The following AGBL1 variants were observed in gnomAD, a reference collection of about 807,000 sequenced individuals.
The protein encoded by AGBL1 is cytosolic carboxypeptidase 4.
Under a neutral mutation model 118.9 loss-of-function variants are expected in AGBL1, and 130 were observed. That is an observed-to-expected ratio of 1.09 (90% CI 0.95 to 1.26). The LOEUF (loss-of-function observed/expected upper bound fraction) is 1.26. AGBL1 is among the 50% of genes most tolerant of loss of function. The pLI, the probability that AGBL1 is intolerant of heterozygous loss-of-function variation, is 0.00. For missense variants in AGBL1, 1,584 were observed against 1,298.1 expected, an observed-to-expected ratio of 1.22 and a Z score of -3.38; for synonymous variants, 555 against 478.9, an observed-to-expected ratio of 1.16 and a Z score of -2.08.
chr15:86,400,635 A>C (rs2081430909), intron 18 of AGBL1, among the ~76,000 whole-genome samples: 1 of 139,618 alleles, frequency 7.2e-6, no homozygotes, highest in Non-Finnish European at 1.5e-5. Flanking sequence ...AAGTCCCCAA[A>C]GTCCAGTATA....
At chr15:86,447,965 C>G (rs557196087) in intron 18 of AGBL1, among the ~76,000 whole-genome samples, 1 of 151,916 alleles carries the variant, frequency 6.6e-6, no homozygotes, top group Non-Finnish European at 1.5e-5. Context: ...GGCAACATAA[C>G]GAGACCTCGA....
At chr15:86,380,613 TTCTC>T (rs1299681785) in intron 17 of AGBL1, among the ~76,000 whole-genome samples, 1 of 146,418 alleles carries the variant, frequency 6.8e-6, no homozygotes, top group African/African-American at 2.5e-5. Flanking sequence ...GTCTGTGTCA[TTCTC>T]TCTGCTTCTT....
At chr15:86,742,970 G>C (rs141758546) in intron 22 of AGBL1, among the ~76,000 whole-genome samples, 1 of 152,078 alleles carries the variant, frequency 6.6e-6, no homozygotes, top group Non-Finnish European at 1.5e-5. Context: ...GGGGGTAATA[G>C]TATCATATAT....
rs1361456726 is a variant in AGBL1 at position 86,915,721 on chromosome 15, C to A, written c.*8427C>A. 6.6e-6 allele frequency: 1 copy of A among 152,150 alleles called. No homozygotes were observed. The highest frequency in any genetic ancestry group is 2.4e-5 in the African/African-American group (1 of 41,426). The allele number at this position is 152,150 out of a possible 1,614,324, so 9.4% of individuals were successfully genotyped here. A position where few individuals can be genotyped will look rare whatever the true frequency, so the allele number is the denominator to read the frequency against. Reference sequence around the variant, plus strand: ...TTTGTTCACTGCTACATCCTGAGAGCCTAGCATCGTGCCCAAGATGTGGTG... The same window carrying A: ...TTTGTTCACTGCTACATCCTGAGAGACTAGCATCGTGCCCAAGATGTGGTG... On this transcript the variant is annotated 3_prime_UTR_variant, in exon 23 of 23. Transcript: ENST00000614907.
chr15:86,256,802 A>T (rs1283133798), intron 7 of AGBL1, 51 bp from the exon 8 acceptor site: 2 of 1,593,728 alleles, frequency 1.3e-6, no homozygotes, highest in East Asian at 2.2e-5. Context: ...TGTTACAGCT[A>T]GGGGACTGTG....
intron 18 of AGBL1, among the ~76,000 whole-genome samples, chr15:86,470,322 G>C (rs2082463276): frequency 6.6e-6 from 1 of 152,130 alleles, no homozygotes; most frequent in East Asian, 1.9e-4. Context: ...AATTACTGAA[G>C]AGGCTGTCCT....
chr15:86,326,148 G>T (rs2080179717), intron 17 of AGBL1, among the ~76,000 whole-genome samples: 1 of 151,898 alleles, frequency 6.6e-6, no homozygotes, highest in Non-Finnish European at 1.5e-5. Context: ...TTTTTTCACT[G>T]TTAGGAAGCC....
At chr15:86,681,956 C>T (rs1051516076) in intron 22 of AGBL1, among the ~76,000 whole-genome samples, 13 of 152,228 alleles carry the variant, frequency 8.5e-5, no homozygotes, top group South Asian at 4.1e-4. Flanking sequence ...TACAGTAAAG[C>T]GAAGGATGGA....
chr15:86,425,404 G>T (rs2142030649), intron 18 of AGBL1, among the ~76,000 whole-genome samples: 1 of 152,240 alleles, frequency 6.6e-6, no homozygotes, highest in Admixed American at 6.5e-5. Flanking sequence ...TGGGGGGCTA[G>T]GGGAGGGATA....
rs186375804 is a variant in AGBL1 at position 86,227,603 on chromosome 15, C to T, written c.526+2652C>T. Among the ~76,000 whole-genome samples the T allele has an allele frequency of 4.9e-3, 749 of 152,360 alleles. 14 individuals are homozygous for T. Among genetic ancestry groups the T allele is most frequent in the Middle Eastern group, 6.8e-3 (2 of 294 alleles). ...TGGGGGGTGGACAGTAAAATTTCCA[C>T]TTGTTGAGAATCACTGATGTGTATG... On this transcript the variant is annotated intron_variant, in intron 6 of 22. Coordinates refer to ENST00000614907, the MANE Select transcript of AGBL1 (RefSeq NM_001386094.1).
At chr15:86,996,507 T>G (rs1406288209) in intron 24 of AGBL1, among the ~76,000 whole-genome samples, 1 of 152,100 alleles carries the variant, frequency 6.6e-6, no homozygotes. Context: ...TCTCATGAGG[T>G]GGGAGGATAG....
intron 22 of AGBL1, among the ~76,000 whole-genome samples, chr15:86,827,439 ATATGTGTG>A (rs1567194800): frequency 5.9e-4 from 6 of 10,152 alleles, no homozygotes; most frequent in African/African-American, 2.4e-3. Context: ...ACACATATAT[ATATGTGTG>A]TGTATATATA....
chr15:86,689,082 G>A (rs1325952455), intron 22 of AGBL1, among the ~76,000 whole-genome samples: 1 of 152,106 alleles, frequency 6.6e-6, no homozygotes, highest in Non-Finnish European at 1.5e-5. Flanking sequence ...ATCAAAGAAA[G>A]CAGAATTTGT....
intron 17 of AGBL1, among the ~76,000 whole-genome samples, chr15:86,332,251 A>G (rs2080282377): frequency 6.6e-6 from 1 of 152,226 alleles, no homozygotes; most frequent in South Asian, 2.1e-4. Context: ...GATTTATAAA[A>G]TAAGTACTTC....
At chr15:86,424,526 A>G (rs998751949) in intron 18 of AGBL1, among the ~76,000 whole-genome samples, 1 of 152,244 alleles carries the variant, frequency 6.6e-6, no homozygotes, top group African/African-American at 2.4e-5. Flanking sequence ...ACAAAAGCCA[A>G]AATTGACAAA....
At chr15:86,369,325 T>C (rs995053591) in intron 17 of AGBL1, among the ~76,000 whole-genome samples, 2 of 152,200 alleles carry the variant, frequency 1.3e-5, no homozygotes, top group African/African-American at 4.8e-5. Context: ...TGTTAAAATT[T>C]TTGTCATATT....
At chr15:86,924,977 C>T (rs2080516081) in intron 23 of AGBL1, among the ~76,000 whole-genome samples, 1 of 151,632 alleles carries the variant, frequency 6.6e-6, no homozygotes, top group Admixed American at 6.6e-5. Flanking sequence ...TGGTGGGCAC[C>T]TGTAGTCCCA....
chr15:86,286,727 T>TGTG (rs2079455750), intron 16 of AGBL1, among the ~76,000 whole-genome samples: 1 of 80,416 alleles, frequency 1.2e-5, no homozygotes, highest in African/African-American at 6.5e-5. Context: ...GTGTGTGTGT[T>TGTG]TGTGTGTGTA....
intron 18 of AGBL1, among the ~76,000 whole-genome samples, chr15:86,484,991 T>C (rs1009828000): frequency 6.6e-6 from 1 of 152,172 alleles, no homozygotes; most frequent in Non-Finnish European, 1.5e-5. Flanking sequence ...TTTGTAAAGA[T>C]TTTGGAAAAC....
Sources: gnomAD v4.1 joint callset for allele counts (sites outside exome capture counted in the v4.1 genomes callset) on GRCh38, gnomAD v4.1.1 for gene constraint, MANE v1.5 for transcripts, NCBI Gene and HGNC (gene_info 2026-07-23, HGNC 2026-07-21) for gene names.